Variants in TBXAS1 observed in about 807,000 individuals in gnomAD.
TBXAS1 encodes the protein thromboxane A synthase 1.
In TBXAS1, 48 loss-of-function variants were observed where a neutral mutation model predicts 60.7. The ratio of observed to expected loss-of-function variants is 0.79; its 90% CI spans 0.63 to 1.01. The LOEUF (loss-of-function observed/expected upper bound fraction) is 1.01. Among genes scored for constraint, TBXAS1 ranks in the 50% least tolerant of loss-of-function variants. TBXAS1 has a pLI of 0.00. For synonymous variants in TBXAS1, 287 were observed against 269.7 expected (o/e 1.06, Z -0.63); for missense variants, 685 against 686.3 (o/e 1.00, Z 0.02).
At chr7:139,815,696 C>T (rs553200459) in intron 4 of TBXAS1, among the ~76,000 whole-genome samples, 1 of 152,304 alleles carries the variant, frequency 6.6e-6, no homozygotes, top group African/African-American at 2.4e-5. Context: ...CAGACATTGA[C>T]TCCAAATAGT....
At chr7:139,889,068 C>T (rs1428559468) in intron 3 of TBXAS1, among the ~76,000 whole-genome samples, 2 of 152,006 alleles carry the variant, frequency 1.3e-5, no homozygotes, top group Admixed American at 6.6e-5. Context: ...TGTGGTGACT[C>T]GTGCCTGTAA....
At chr7:139,791,814 T>TG (rs1797392795) in intron 4 of TBXAS1, among the ~76,000 whole-genome samples, 1 of 144,528 alleles carries the variant, frequency 6.9e-6, no homozygotes, top group Non-Finnish European at 1.5e-5. Flanking sequence ...TTTTGTTTTT[T>TG]TTTTTTTTTT....
chr7:139,780,985 G>T (rs1255451565), intron 2 of TBXAS1, among the ~76,000 whole-genome samples: 1 of 152,214 alleles, frequency 6.6e-6, no homozygotes, highest in Non-Finnish European at 1.5e-5. Context: ...GTCTTAAAAT[G>T]AATATCACTT....
chr7:139,807,813 C>T (rs1239236100), intron 4 of TBXAS1, among the ~76,000 whole-genome samples: 1 of 152,054 alleles, frequency 6.6e-6, no homozygotes, highest in African/African-American at 2.4e-5. Flanking sequence ...GCTTGGAGTT[C>T]CCTGTGTTTA....
intron 1 of TBXAS1, among the ~76,000 whole-genome samples, chr7:139,845,537 CT>C (rs1799742548): frequency 6.6e-6 from 1 of 152,166 alleles, no homozygotes; most frequent in Non-Finnish European, 1.5e-5. Flanking sequence ...CATCACTTAC[CT>C]GGCTCCCCAA....
chr7:139,968,287 TTTTTG>T (rs1024345063), intron 9 of TBXAS1, among the ~76,000 whole-genome samples: 5 of 152,024 alleles, frequency 3.3e-5, no homozygotes, highest in Non-Finnish European at 5.9e-5. Flanking sequence ...TTTTTGTTTG[TTTTTG>T]TTTTGTTTTG....
intron 4 of TBXAS1, among the ~76,000 whole-genome samples, chr7:139,799,323 G>A (rs369604345): frequency 4.0e-5 from 6 of 151,102 alleles, no homozygotes; most frequent in Admixed American, 1.3e-4. Flanking sequence ...TCTGCTTCCC[G>A]GGTTCAAGCA....
intron 3 of TBXAS1, among the ~76,000 whole-genome samples, chr7:139,906,861 G>T (rs1194175598): frequency 6.6e-6 from 1 of 152,138 alleles, no homozygotes; most frequent in Non-Finnish European, 1.5e-5. Flanking sequence ...ATGTAGAAAT[G>T]CTATTGACTT....
intron 5 of TBXAS1, among the ~76,000 whole-genome samples, chr7:139,951,990 GAAAGAAAGAAAGAAAGAAAGAA>G (rs1809429754): frequency 1.3e-5 from 2 of 148,346 alleles, no homozygotes; most frequent in Admixed American, 1.4e-4. Flanking sequence ...AAGAAAGAAA[GAAAGAAAGAAAGAAAGAAAGAA>G]AAAGAAAGGA....
At chr7:139,848,135 C>T (rs1405383946) in intron 1 of TBXAS1, among the ~76,000 whole-genome samples, 3 of 150,568 alleles carry the variant, frequency 2.0e-5, no homozygotes, top group Non-Finnish European at 4.4e-5. Flanking sequence ...TTATGTTTTA[C>T]TTATTTATTT....
chr7:139,827,827 T>C (rs1798485988), upstream of TBXAS1, among the ~76,000 whole-genome samples: 1 of 152,238 alleles, frequency 6.6e-6, no homozygotes. Flanking sequence ...TTCCAGCTTG[T>C]AGGTTTTCTG....
At chr7:139,944,573 G>A (rs1808548973) in intron 5 of TBXAS1, among the ~76,000 whole-genome samples, 1 of 152,170 alleles carries the variant, frequency 6.6e-6, no homozygotes, top group Admixed American at 6.5e-5. Context: ...GACCCATGGG[G>A]CAAATCTTTC....
At position 139,999,724 on chromosome 7, in the gene TBXAS1, C is replaced by T. The variant is rs1172068636; in HGVS notation, c.1135-7367C>T. 6.6e-6 allele frequency among the ~76,000 whole-genome samples: 1 copy of T among 152,150 alleles called. No homozygotes were observed. Among genetic ancestry groups the T allele is most frequent in the East Asian group, 1.9e-4 (1 of 5,198 alleles). ...CTCGTGCTTAAGGGATTTCCAGCTC[C>T]GGCTTCTAGAGGGCAAGGGCCAGCA... On this transcript the variant is annotated intron_variant, in intron 9 of 12. Coordinates refer to ENST00000448866, the MANE Select transcript of TBXAS1 (RefSeq NM_001061.7). This position sits in a 1 kb window ranked among gnomAD's most constrained non-coding sequence, Gnocchi z 4.3.
chr7:139,830,457 A>G (rs939961223), intron 1 of TBXAS1, among the ~76,000 whole-genome samples: 3 of 152,200 alleles, frequency 2.0e-5, no homozygotes, highest in African/African-American at 4.8e-5. Context: ...TTGATGTTCT[A>G]TGATGATGAA....
At chr7:140,015,548 T>G (rs1814958838) in intron 10 of TBXAS1, among the ~76,000 whole-genome samples, 175 bp from the exon 11 acceptor site, 1 of 152,082 alleles carries the variant, frequency 6.6e-6, no homozygotes, top group African/African-American at 2.4e-5. Flanking sequence ...GGGTAGGGGC[T>G]TGGTCACCCT....
intron 9 of TBXAS1, among the ~76,000 whole-genome samples, chr7:139,993,595 C>G (rs776289297): frequency 6.6e-5 from 10 of 152,194 alleles, no homozygotes; most frequent in Non-Finnish European, 1.5e-5. Context: ...ACCCGAGAAG[C>G]ATGCTCCACA....
chr7:139,875,574 G>A lies in TBXAS1; in HGVS notation c.184-11G>A. 2 of 1,613,764 alleles carry A rather than the reference G, an allele frequency of 1.2e-6. No individual in the cohort carries two copies. The highest frequency in any genetic ancestry group is 1.7e-6 in the Non-Finnish European group (2 of 1,179,678). The stretch of plus-strand genomic sequence containing the variant: ...AATCTTATTCTTACTATAGTGCTGT[G>A]TTTCCTTCAGGGTTTTTGGGAAAGC... On this transcript the variant is annotated splice_polypyrimidine_tract_variant and intron_variant, in intron 2 of 12. Coordinates refer to ENST00000448866, the MANE Select transcript of TBXAS1 (RefSeq NM_001061.7).
intron 4 of TBXAS1, among the ~76,000 whole-genome samples, chr7:139,799,307 G>T (rs1284982687): frequency 6.6e-6 from 1 of 150,722 alleles, no homozygotes; most frequent in Non-Finnish European, 1.5e-5. Flanking sequence ...TCGGCTCACT[G>T]CAAACTCTGC....
intron 3 of TBXAS1, among the ~76,000 whole-genome samples, chr7:139,878,664 T>C (rs1802450159): frequency 6.6e-6 from 1 of 152,360 alleles, no homozygotes; most frequent in East Asian, 1.9e-4. Flanking sequence ...TTCTTACTGC[T>C]TAAATTTTAG....
Sources: allele counts gnomAD v4.1 joint callset (sites outside exome capture counted in the v4.1 genomes callset), GRCh38; gene constraint gnomAD v4.1.1; non-coding constraint Gnocchi (gnomAD v3.1); transcripts MANE v1.5; gene names NCBI Gene and HGNC (gene_info 2026-07-23, HGNC 2026-07-21).